The following ANK2 variants were observed in gnomAD, a reference collection of about 807,000 sequenced individuals.
The protein encoded by ANK2 is ankyrin-2.
Under a neutral mutation model 360.5 loss-of-function variants are expected in ANK2, and 83 were observed. The observed-to-expected ratio is 0.23, with a 90% CI of 0.19 to 0.28. ANK2 has a LOEUF of 0.28. ANK2 is among the 10% of genes least tolerant of loss of function. ANK2 has a pLI of 1.00. For synonymous variants in ANK2, 1,740 were observed against 1,759.5 expected, an observed-to-expected ratio of 0.99 and a Z score of 0.28; for missense variants, 4,201 against 4,795.7, an observed-to-expected ratio of 0.88 and a Z score of 3.66.
intron 41 of ANK2, among the ~76,000 whole-genome samples, chr4:113,366,490 G>A (rs1055855933): frequency 8.0e-5 from 11 of 137,686 alleles, no homozygotes; most frequent in South Asian, 4.8e-4. Context: ...CTTAACTGTT[G>A]AGCAAGAGCC....
chr4:112,882,814 T>G (rs190464469), intron 1 of ANK2, among the ~76,000 whole-genome samples: 1 of 152,020 alleles, frequency 6.6e-6, no homozygotes, highest in East Asian at 1.9e-4. Flanking sequence ...GAAGAATATT[T>G]CTGGATAAAT....
At position 113,358,042 on chromosome 4, in the gene ANK2, A is replaced by T; in HGVS notation, c.9424A>T (p.Thr3142Ser). ...FQIGQESREE[T>S]LSEDVKEGAT... ...AATTGGTCAAGAATCCAGGGAAGAG[A>T]CTCTCTCTGAAGATGTGAAAGAAGG... Residue 3142 changes from threonine to serine, a missense_variant, in exon 38 of 46, where the codon ACT (threonine) becomes TCT (serine). Thr to Ser is a moderately conservative substitution (Grantham distance 58). Coordinates refer to ENST00000357077, the MANE Select transcript of ANK2 (RefSeq NM_001148.6). 1 of 1,613,870 alleles carries T rather than the reference A, an allele frequency of 6.2e-7. No homozygotes were observed. Among genetic ancestry groups the T allele is most frequent in the Non-Finnish European group, 8.5e-7 (1 of 1,179,910 alleles).
At chr4:113,237,228 C>A in intron 6 of ANK2, 56 bp downstream of exon 6, 1 of 1,555,328 alleles carries the variant, frequency 6.4e-7, no homozygotes, top group Non-Finnish European at 8.9e-7. Flanking sequence ...CAGACTCCTC[C>A]TGGGGGATGA....
At chr4:112,831,761 TG>T (rs1367883977) in intron 1 of ANK2, among the ~76,000 whole-genome samples, 1 of 152,184 alleles carries the variant, frequency 6.6e-6, no homozygotes, top group African/African-American at 2.4e-5. Flanking sequence ...CTTTATAAGC[TG>T]TAACAGTCAC....
At chr4:113,293,251 A>C (rs1237373079) in intron 21 of ANK2, 189 bp from the exon 22 acceptor site, 4 of 695,974 alleles carry the variant, frequency 5.7e-6, no homozygotes, top group Non-Finnish European at 1.0e-5. Context: ...TACCATGGTG[A>C]CCTGGCCTAT....
chr4:113,255,491 A>G (rs1195155110), intron 10 of ANK2, among the ~76,000 whole-genome samples: 2 of 152,176 alleles, frequency 1.3e-5, no homozygotes, highest in Admixed American at 1.3e-4. Context: ...TGCCACACAT[A>G]CCATGCATGA....
At chr4:112,824,283 G>A (rs769425567) in intron 1 of ANK2, among the ~76,000 whole-genome samples, 1 of 151,358 alleles carries the variant, frequency 6.6e-6, no homozygotes, top group Non-Finnish European at 1.5e-5. Flanking sequence ...GGCTTCAAGC[G>A]ATCTTCCAGC....
chr4:113,143,882 T>C (rs1316452003), intron 1 of ANK2, among the ~76,000 whole-genome samples: 1 of 152,190 alleles, frequency 6.6e-6, no homozygotes, highest in African/African-American at 2.4e-5. Flanking sequence ...GAAACTACCA[T>C]ATTATGATGA....
Position 113,026,708 on chromosome 4 carries a change from G to A in ANK2, c.21+122194G>A, listed in dbSNP as rs1288396066. ...GCAAAGAAAATAGATCGAAGTAGCTGGAGAGAATGGGATCATGTCTGGGAG... is the reference window on the plus strand; with the variant it reads ...GCAAAGAAAATAGATCGAAGTAGCTAGAGAGAATGGGATCATGTCTGGGAG... On this transcript the variant is annotated intron_variant, in intron 2 of 30. Transcript: ENST00000503271. Among the ~76,000 whole-genome samples the A allele has an allele frequency of 2.0e-5, 3 of 152,142 alleles. No homozygotes were observed. The East Asian group carries it at 5.8e-4, about 29-fold the overall frequency.
At chr4:113,180,402 T>A (rs536342876) in intron 2 of ANK2, among the ~76,000 whole-genome samples, 16 of 152,340 alleles carry the variant, frequency 1.1e-4, no homozygotes, top group African/African-American at 3.6e-4. Flanking sequence ...AATAAATACT[T>A]GTGAAAATGA....
intron 1 of ANK2, among the ~76,000 whole-genome samples, chr4:113,112,091 T>G (rs1056620668): frequency 6.6e-6 from 1 of 152,212 alleles, no homozygotes; most frequent in Admixed American, 6.5e-5. Flanking sequence ...AAGTTTTTAT[T>G]TTAAATAAAG....
chr4:112,809,950 TTAAAA>T, the ANK2 span, among the ~76,000 whole-genome samples: 1 of 151,628 alleles, frequency 6.6e-6, no homozygotes, highest in Non-Finnish European at 1.5e-5. Context: ...ATTTCAAATA[TTAAAA>T]TAAATAGAGA....
chr4:112,858,885 T>C (rs976004867), intron 1 of ANK2, among the ~76,000 whole-genome samples: 10 of 152,222 alleles, frequency 6.6e-5, no homozygotes, highest in Admixed American at 5.9e-4. Context: ...GTTAATGTCC[T>C]GGGGACATGG....
chr4:112,805,139 AG>A, the ANK2 span, among the ~76,000 whole-genome samples: 1 of 152,228 alleles, frequency 6.6e-6, no homozygotes, highest in African/African-American at 2.4e-5. Flanking sequence ...AATGCGAAGT[AG>A]CCACGGAAAG....
At chr4:112,879,979 C>T (rs2076243402) in intron 1 of ANK2, among the ~76,000 whole-genome samples, 1 of 152,038 alleles carries the variant, frequency 6.6e-6, no homozygotes, top group Non-Finnish European at 1.5e-5. Context: ...TCTAGCTGCA[C>T]ACCATAAAGC....
intron 1 of ANK2, among the ~76,000 whole-genome samples, chr4:113,165,789 G>A (rs1011441708): frequency 1.4e-4 from 21 of 152,082 alleles, no homozygotes; most frequent in Non-Finnish European, 2.9e-4. Flanking sequence ...TGTAGCTGAG[G>A]CCTCTCAAAG....
the ANK2 span, chr4:112,788,298 T>G: frequency 9.5e-6 from 15 of 1,572,454 alleles, no homozygotes; most frequent in Admixed American, 2.5e-4. Flanking sequence ...CAGGTCTTCC[T>G]GTGGACGAGA....
At chr4:112,826,810 C>A in intron 1 of ANK2, 1 of 1,181,644 alleles carries the variant, frequency 8.5e-7, no homozygotes, top group Non-Finnish European at 1.2e-6. Context: ...GCATCTTCTA[C>A]TCAAAAAAAT....
intron 22 of ANK2, among the ~76,000 whole-genome samples, chr4:113,294,741 C>CA (rs1194165063): frequency 1.3e-5 from 2 of 152,158 alleles, no homozygotes; most frequent in Non-Finnish European, 2.9e-5. Context: ...AACCTTCAGC[C>CA]AGTTCACCAC....
Sources: gnomAD v4.1 joint callset for allele counts (sites outside exome capture counted in the v4.1 genomes callset) on GRCh38, gnomAD v4.1.1 for gene constraint, MANE v1.5 for transcripts, NCBI Gene and HGNC (gene_info 2026-07-23, HGNC 2026-07-21) for gene names.